EBF3: variants seen among roughly 807,000 people sequenced by gnomAD.
The protein encoded by EBF3 is EBF transcription factor 3, also known as transcription factor COE3.
EBF3 carries 18 observed loss-of-function variants against 77.1 expected under a neutral mutation model. That is an observed-to-expected ratio of 0.23 (90% CI 0.16 to 0.35). The LOEUF (loss-of-function observed/expected upper bound fraction) is 0.35. EBF3 is among the 10% of genes least tolerant of loss of function. EBF3 has a pLI of 1.00. For missense variants in EBF3, 558 were observed against 860.0 expected (o/e 0.65, Z 4.39); for synonymous variants, 350 against 343.5 (o/e 1.02, Z -0.21).
chr10:129,890,930 A>T (rs1853978536), intron 6 of EBF3, among the ~76,000 whole-genome samples: 1 of 152,220 alleles, frequency 6.6e-6, no homozygotes, highest in Non-Finnish European at 1.5e-5. Context: ...GAGAAAGATT[A>T]AACATTCAAT....
rs535437146 is a variant in EBF3 at position 129,858,975 on chromosome 10, C to T, written c.1039+8166G>A. 7.5e-4 allele frequency among the ~76,000 whole-genome samples: 114 copies of T among 152,306 alleles called. 1 individual carries two copies. Among genetic ancestry groups the T allele is most frequent in the African/African-American group, 2.5e-3 (105 of 41,562 alleles). On this transcript the variant is annotated intron_variant, in intron 10 of 16. Coordinates refer to ENST00000440978, the MANE Select transcript of EBF3 (RefSeq NM_001375380.1). Reference sequence around the variant, plus strand: ...AATCTGCCACGGCCTCCTATCTCAACGGGAGCTTCTCTATTTAAAATTTCG... The same window carrying T: ...AATCTGCCACGGCCTCCTATCTCAATGGGAGCTTCTCTATTTAAAATTTCG...
chr10:129,836,762 G>A lies in EBF3; in HGVS notation c.*1181C>T, dbSNP rs529004786. 2.6e-5 allele frequency: 4 copies of A among 152,384 alleles called. No individual in the cohort carries two copies. In the South Asian group the frequency reaches 8.3e-4, roughly 32 times the overall value. The allele number at this position is 152,384 out of a possible 1,614,324, so 9.4% of individuals were successfully genotyped here. On this transcript the variant is annotated 3_prime_UTR_variant, in exon 17 of 17. Transcript: ENST00000440978. ...CAGGCCGTGATCAAAAACCAATACA[G>A]ACAAGAAAGAAGAAAAAGGAAAAGG...
chr10:129,909,081 T>G (rs1855340060), intron 6 of EBF3, among the ~76,000 whole-genome samples: 1 of 152,210 alleles, frequency 6.6e-6, no homozygotes, highest in Non-Finnish European at 1.5e-5. Context: ...TGGCTGGCAT[T>G]TGGAACTTGA....
At chr10:129,949,050 G>A (rs1219008088) in intron 6 of EBF3, among the ~76,000 whole-genome samples, 1 of 152,212 alleles carries the variant, frequency 6.6e-6, no homozygotes, top group African/African-American at 2.4e-5. Flanking sequence ...TGTAATCCCA[G>A]CACTTTGGGA....
chr10:129,926,399 CAG>C (rs1564896054), intron 6 of EBF3, among the ~76,000 whole-genome samples: 1 of 152,136 alleles, frequency 6.6e-6, no homozygotes, highest in African/African-American at 2.4e-5. Context: ...GCAGGGAGAA[CAG>C]GGGAGGCTTC....
chr10:129,838,734 G>A (rs1431347496), intron 16 of EBF3, among the ~76,000 whole-genome samples: 11 of 152,248 alleles, frequency 7.2e-5, no homozygotes, highest in African/African-American at 2.4e-4. Context: ...CAGAATGATC[G>A]TTCTCATTAA....
intron 11 of EBF3, 90 bp from the exon 12 acceptor site, chr10:129,843,292 G>T: frequency 7.2e-7 from 1 of 1,383,682 alleles, no homozygotes. Flanking sequence ...CGGGTGTGGA[G>T]ACCAGTCCCC....
intron 6 of EBF3, among the ~76,000 whole-genome samples, chr10:129,921,929 T>C (rs1387672488): frequency 1.3e-5 from 2 of 152,178 alleles, no homozygotes; most frequent in Non-Finnish European, 2.9e-5. Context: ...CCCTGTCTCT[T>C]GCTCATCCCT....
At position 129,935,534 on chromosome 10, in the gene EBF3, C is replaced by T. The variant is rs948727018; in HGVS notation, c.554+21724G>A. Among the ~76,000 whole-genome samples the T allele has an allele frequency of 6.6e-6, 1 of 152,316 alleles. No individual in the cohort carries two copies. The highest frequency in any genetic ancestry group is 2.4e-5 in the African/African-American group (1 of 41,572). On this transcript the variant is annotated intron_variant, in intron 6 of 16. Transcript: ENST00000440978. The surrounding 1 kb of genome is among the most constrained non-coding windows in gnomAD (Gnocchi z 4.2). ...AAGCCTCCCAACTCAGCGCCAACTG[C>T]GGAGCACCAAGCACCCATATGTAAG...
At chr10:129,956,781 A>G (rs1392720651) in intron 6 of EBF3, among the ~76,000 whole-genome samples, 1 of 152,200 alleles carries the variant, frequency 6.6e-6, no homozygotes, top group Non-Finnish European at 1.5e-5. Context: ...TACAATTGGA[A>G]AAAAATTAGG....
At chr10:129,918,546 C>T (rs532277756) in intron 6 of EBF3, among the ~76,000 whole-genome samples, 1 of 152,220 alleles carries the variant, frequency 6.6e-6, no homozygotes, top group Non-Finnish European at 1.5e-5. Flanking sequence ...CATCACCAGG[C>T]CTGCCCTCCT....
In EBF3 at chr10:129,936,961, C is replaced by T. The variant is rs145678690; in HGVS notation, c.554+20297G>A. 6.6e-5 allele frequency among the ~76,000 whole-genome samples: 10 copies of T among 152,320 alleles called. No individual in the cohort carries two copies. In the East Asian group the frequency reaches 1.9e-3, roughly 29 times the overall value. ...TTTGCCTCCTTGATGACCTGGGCTCCACGGATCGGACGTGTGAGAACAACC... is the reference window on the plus strand; with the variant it reads ...TTTGCCTCCTTGATGACCTGGGCTCTACGGATCGGACGTGTGAGAACAACC... On this transcript the variant is annotated intron_variant, in intron 6 of 16. Transcript: ENST00000440978.
chr10:129,880,037 A>T (rs918686918), intron 6 of EBF3, among the ~76,000 whole-genome samples: 1 of 152,130 alleles, frequency 6.6e-6, no homozygotes, highest in Non-Finnish European at 1.5e-5. Context: ...GCTCCAGAGG[A>T]GGTTTCTTTA....
At chr10:129,901,880 C>T (rs146384580) in intron 6 of EBF3, among the ~76,000 whole-genome samples, 1 of 152,366 alleles carries the variant, frequency 6.6e-6, no homozygotes, top group East Asian at 1.9e-4. Flanking sequence ...CCAACTGCAG[C>T]TTCCCAACCT....
At chr10:129,959,353 C>CCCCGGAACCCGGGGCT (rs1283971207) in intron 4 of EBF3, among the ~76,000 whole-genome samples, 2 of 151,966 alleles carry the variant, frequency 1.3e-5, no homozygotes, top group Non-Finnish European at 2.9e-5. Context: ...CTGGCACCGA[C>CCCCGGAACCCGGGGCT]CCCGGAACCC....
chr10:129,880,472 C>T (rs1853126639), intron 6 of EBF3, among the ~76,000 whole-genome samples: 1 of 152,158 alleles, frequency 6.6e-6, no homozygotes, highest in South Asian at 2.1e-4. Context: ...CACATGCACA[C>T]ATACGCACAT....
chr10:129,899,535 G>A (rs1003979857), intron 6 of EBF3, among the ~76,000 whole-genome samples: 2 of 152,178 alleles, frequency 1.3e-5, no homozygotes, highest in African/African-American at 2.4e-5. Flanking sequence ...CAGCCTTCCC[G>A]ACTTGCTGTG....
At chr10:129,933,771 A>C (rs1035100788) in intron 6 of EBF3, among the ~76,000 whole-genome samples, 1 of 152,162 alleles carries the variant, frequency 6.6e-6, no homozygotes, top group African/African-American at 2.4e-5. Flanking sequence ...AGAGTGAGTA[A>C]GGCCCTGCAG....
At chr10:129,843,586 C>T (rs1850246666) in intron 11 of EBF3, among the ~76,000 whole-genome samples, 2 of 152,198 alleles carry the variant, frequency 1.3e-5, no homozygotes, top group South Asian at 4.1e-4. Flanking sequence ...ACCACATTTG[C>T]CTGTTAATTC....
Sources: gnomAD v4.1 joint callset for allele counts (sites outside exome capture counted in the v4.1 genomes callset) on GRCh38, gnomAD v4.1.1 for gene constraint, Gnocchi (gnomAD v3.1) non-coding constraint, MANE v1.5 for transcripts, NCBI Gene and HGNC (gene_info 2026-07-23, HGNC 2026-07-21) for gene names.